The following GNAQ variants were observed in gnomAD, a reference collection of about 807,000 sequenced individuals.
GNAQ encodes the protein G protein subunit alpha q, also known as guanine nucleotide-binding protein G(q) subunit alpha.
A neutral mutation model predicts 43.9 loss-of-function variants in GNAQ; 8 were observed. The observed-to-expected ratio is 0.18, with a 90% CI of 0.11 to 0.33. The LOEUF (loss-of-function observed/expected upper bound fraction) is 0.33, where lower values mean the gene tolerates loss of function less well. Among genes scored for constraint, GNAQ ranks in the 10% least tolerant of loss-of-function variants. GNAQ has a pLI of 1.00. For missense variants in GNAQ, 158 were observed against 450.8 expected, an observed-to-expected ratio of 0.35 and a Z score of 5.88; for synonymous variants, 155 against 170.7, an observed-to-expected ratio of 0.91 and a Z score of 0.71.
rs760869735 is a variant in GNAQ at position 77,721,504 on chromosome 9, C to T, written c.899G>A (p.Arg300Lys). The T allele has an allele frequency of 1.2e-6, 2 of 1,605,864 alleles. No homozygotes were observed. The highest frequency in any genetic ancestry group is 1.7e-5 in the Admixed American group (1 of 58,746). ...DYFPEYDGPQRDAQAAREFIL... is the reference protein window; with the variant it reads ...DYFPEYDGPQKDAQAAREFIL... ...GAATTCTCGGGCTGCCTGGGCATCTCTCTGGGGTCCTTTCGGCCAAGAGAC... is the reference window on the plus strand; with the variant it reads ...GAATTCTCGGGCTGCCTGGGCATCTTTCTGGGGTCCTTTCGGCCAAGAGAC... The change falls in exon 7 of 7, where the codon AGA (arginine) becomes AAA (lysine). Residue 300 changes from arginine to lysine, a missense_variant. Physicochemically the swap from Arg to Lys is conservative, Grantham distance 26. Around this residue, in one of 9 missense-constraint regions of GNAQ, gnomAD observed 56 missense variants for 172.2 expected, o/e 0.33. Transcript: ENST00000286548.
At chr9:77,869,413 G>A (rs915209529) in intron 2 of GNAQ, among the ~76,000 whole-genome samples, 3 of 152,158 alleles carry the variant, frequency 2.0e-5, no homozygotes, top group Non-Finnish European at 4.4e-5. Context: ...CTTACTGGGT[G>A]TATAGGAAAA....
At chr9:77,955,260 A>G (rs1203810123) in intron 1 of GNAQ, among the ~76,000 whole-genome samples, 2 of 152,120 alleles carry the variant, frequency 1.3e-5, no homozygotes, top group Non-Finnish European at 2.9e-5. Flanking sequence ...CTTCCGCCTC[A>G]GCCTCCTGAG....
At chr9:77,920,345 G>A (rs1828978771) in intron 2 of GNAQ, among the ~76,000 whole-genome samples, 1 of 152,010 alleles carries the variant, frequency 6.6e-6, no homozygotes, top group Admixed American at 6.6e-5. Flanking sequence ...AGATTTTGGG[G>A]GATAAAATTC....
In GNAQ at chr9:77,865,740, A is replaced by C. The variant is rs117077728; in HGVS notation, c.322-49970T>G. The stretch of plus-strand genomic sequence containing the variant: ...TCTCAGCTTTCTTTCACCCGTAAAA[A>C]AGGAAATTAGGTCTCCTTAAAAATC... On this transcript the variant is annotated intron_variant, in intron 2 of 6. Transcript: ENST00000286548. Among the ~76,000 whole-genome samples, 925 of 152,294 alleles carry C rather than the reference A, an allele frequency of 6.1e-3. 49 individuals carry two copies. In the South Asian group the frequency reaches 0.094, roughly 15 times the overall value.
chr9:77,868,968 C>T (rs1827992848), intron 2 of GNAQ, among the ~76,000 whole-genome samples: 1 of 152,122 alleles, frequency 6.6e-6, no homozygotes, highest in South Asian at 2.1e-4. Context: ...GCCTGGGCAA[C>T]AGAGCAAGAC....
intron 2 of GNAQ, among the ~76,000 whole-genome samples, chr9:77,847,343 A>G (rs569135477): frequency 3.3e-5 from 5 of 152,344 alleles, no homozygotes; most frequent in African/African-American, 9.6e-5. Flanking sequence ...CATAAACAAC[A>G]AAGTGCCTTT....
intron 5 of GNAQ, among the ~76,000 whole-genome samples, chr9:77,789,329 A>G (rs974722589): frequency 6.6e-6 from 1 of 152,210 alleles, no homozygotes; most frequent in African/African-American, 2.4e-5. Flanking sequence ...GGCAAGCTAC[A>G]AAGTGGAAGA....
At chr9:77,727,287 G>A (rs1199771333) in intron 6 of GNAQ, among the ~76,000 whole-genome samples, 1 of 151,972 alleles carries the variant, frequency 6.6e-6, no homozygotes, top group Non-Finnish European at 1.5e-5. Flanking sequence ...CAAAGTGCTG[G>A]GATTACAGGT....
intron 2 of GNAQ, among the ~76,000 whole-genome samples, chr9:77,850,059 C>T (rs1327275200): frequency 1.8e-4 from 27 of 152,214 alleles, no homozygotes; most frequent in Admixed American, 1.8e-3. Context: ...ACCTATTCAG[C>T]CAGGCTTTCA....
intron 6 of GNAQ, among the ~76,000 whole-genome samples, chr9:77,723,185 A>G (rs1004413029): frequency 1.1e-4 from 17 of 152,274 alleles, no homozygotes; most frequent in African/African-American, 3.4e-4. Flanking sequence ...AGAAAAATGC[A>G]TATCAAAACC....
Position 77,844,303 on chromosome 9 carries a change from T to G in GNAQ, c.322-28533A>C, listed in dbSNP as rs181815307. Reference sequence around the variant, plus strand: ...GACCACGTCAAATTGAAAGAGGCCATGAAGGGGCCCACTGTTCTCTTCCTC... The same window carrying G: ...GACCACGTCAAATTGAAAGAGGCCAGGAAGGGGCCCACTGTTCTCTTCCTC... On this transcript the variant is annotated intron_variant, in intron 2 of 6. Coordinates refer to ENST00000286548, the MANE Select transcript of GNAQ (RefSeq NM_002072.5). 1.7e-3 allele frequency among the ~76,000 whole-genome samples: 259 copies of G among 152,314 alleles called. 1 individual carries two copies. Among genetic ancestry groups the G allele is most frequent in the African/African-American group, 5.8e-3 (240 of 41,570 alleles).
intron 5 of GNAQ, among the ~76,000 whole-genome samples, chr9:77,743,255 T>G (rs1825680025): frequency 6.6e-6 from 1 of 151,702 alleles, no homozygotes; most frequent in South Asian, 2.1e-4. Flanking sequence ...AGACTCCATC[T>G]CAAACAAAAA....
intron 4 of GNAQ, among the ~76,000 whole-genome samples, chr9:77,796,219 T>C (rs2118450187): frequency 6.6e-6 from 1 of 152,266 alleles, no homozygotes; most frequent in East Asian, 1.9e-4. Context: ...ATTAGAACAA[T>C]GTATGGCAGC....
intron 1 of GNAQ, among the ~76,000 whole-genome samples, chr9:77,992,128 T>G (rs940432977): frequency 1.3e-5 from 2 of 152,242 alleles, no homozygotes; most frequent in African/African-American, 4.8e-5. Flanking sequence ...CTTTTAGTTC[T>G]CTAAGAAATC....
chr9:77,860,800 C>G (rs937839604), intron 2 of GNAQ, among the ~76,000 whole-genome samples: 4 of 152,150 alleles, frequency 2.6e-5, no homozygotes, highest in Admixed American at 2.6e-4. Context: ...GAGGTTGCCT[C>G]AGGCTAGATG....
intron 1 of GNAQ, among the ~76,000 whole-genome samples, chr9:77,958,945 T>C (rs1564163005): frequency 6.6e-6 from 1 of 152,222 alleles, no homozygotes; most frequent in Non-Finnish European, 1.5e-5. Context: ...AAACTGTTAT[T>C]AGTATAATAC....
chr9:77,878,634 G>A (rs554678918), intron 2 of GNAQ, among the ~76,000 whole-genome samples: 1 of 151,350 alleles, frequency 6.6e-6, no homozygotes, highest in South Asian at 2.1e-4. Flanking sequence ...GGGTAATAAG[G>A]TTCCTGAAAA....
intron 5 of GNAQ, among the ~76,000 whole-genome samples, chr9:77,784,283 A>G (rs1826441112): frequency 6.6e-6 from 1 of 152,184 alleles, no homozygotes; most frequent in South Asian, 2.1e-4. Context: ...TATATTTTAC[A>G]TGTATTTTTA....
intron 1 of GNAQ, among the ~76,000 whole-genome samples, chr9:77,956,665 A>T (rs931390122): frequency 1.3e-5 from 2 of 152,194 alleles, no homozygotes; most frequent in Admixed American, 1.3e-4. Flanking sequence ...GAGGAGGGAA[A>T]ATAACTGCTC....
Sources: gnomAD v4.1 joint callset for allele counts (sites outside exome capture counted in the v4.1 genomes callset) on GRCh38, gnomAD v4.1.1 for gene constraint, gnomAD v4.1.1 regional missense constraint, MANE v1.5 for transcripts, NCBI Gene and HGNC (gene_info 2026-07-23, HGNC 2026-07-21) for gene names.